Variants in TIAM1 observed in about 807,000 individuals in gnomAD.
TIAM1 encodes the protein TIAM Rac1 associated GEF 1.
Under a neutral mutation model 163.5 loss-of-function variants are expected in TIAM1, and 65 were observed. The ratio of observed to expected loss-of-function variants is 0.40; its 90% CI spans 0.33 to 0.49. The LOEUF (loss-of-function observed/expected upper bound fraction) is 0.49, where lower values mean the gene tolerates loss of function less well. Ranked by LOEUF, TIAM1 falls within the 20% of genes least tolerant of loss-of-function variation. The pLI, the probability that TIAM1 is intolerant of heterozygous loss-of-function variation, is 0.77. For synonymous variants in TIAM1, 833 were observed against 810.1 expected (o/e 1.03, Z -0.48); for missense variants, 1,789 against 2,044.7 (o/e 0.87, Z 2.41).
At position 31,417,144 on chromosome 21, in the gene TIAM1, T is replaced by A. The variant is rs550724002; in HGVS notation, c.-369+46839A>T. The stretch of plus-strand genomic sequence containing the variant: ...TTCAAGCAATTCTCCTGCCTCAGCC[T>A]CCCAAGTAGCTGGGACTACAGGCAT... On this transcript the variant is annotated intron_variant, in intron 2 of 28. Coordinates refer to the TIAM1 transcript ENST00000286827. 7.2e-4 allele frequency among the ~76,000 whole-genome samples: 110 copies of A among 152,310 alleles called. 2 individuals are homozygous for A. The South Asian group carries it at 0.011, about 15-fold the overall frequency.
intron 6 of TIAM1, among the ~76,000 whole-genome samples, chr21:31,229,128 G>A (rs1206068850): frequency 6.6e-6 from 1 of 152,134 alleles, no homozygotes; most frequent in Non-Finnish European, 1.5e-5. Context: ...CTAATATACA[G>A]TATTAGAAGT....
At chr21:31,433,409 G>A (rs534707845) in intron 2 of TIAM1, among the ~76,000 whole-genome samples, 5 of 152,274 alleles carry the variant, frequency 3.3e-5, no homozygotes, top group East Asian at 1.9e-4. Context: ...GAATGAAAAC[G>A]AATACATCAG....
intron 2 of TIAM1, among the ~76,000 whole-genome samples, chr21:31,329,929 CAG>C (rs1184224068): frequency 2.0e-5 from 3 of 152,194 alleles, no homozygotes; most frequent in Non-Finnish European, 2.9e-5. Flanking sequence ...GCAGAAAGCA[CAG>C]AGATTTCCCA....
chr21:31,154,411 C>T lies in TIAM1; in HGVS notation c.3007G>A (p.Ala1003Thr), dbSNP rs2083519555. 1.9e-6 allele frequency: 3 copies of T among 1,613,892 alleles called. No individual in the cohort carries two copies. Among genetic ancestry groups the T allele is most frequent in the African/African-American group, 2.7e-5 (2 of 74,986 alleles). The change falls in exon 17 of 28, where the codon GCC becomes ACC. Residue 1003 changes from alanine (A) to threonine (T), a missense_variant. Around this residue, in one of 5 missense-constraint regions of TIAM1, gnomAD observed 303 missense variants for 321.3 expected, o/e 0.94. Transcript: ENST00000541036. The stretch of plus-strand genomic sequence containing the variant: ...TCATGCAAACTGCGGCAAAATGCGG[C>T]CACCTGTTCTGTACTCTTCGGAGCA... ...DHSSKSTEQV[A>T]AFCRSLHEMN...
At chr21:31,201,225 A>T (rs547141512) in intron 12 of TIAM1, among the ~76,000 whole-genome samples, 1 of 152,330 alleles carries the variant, frequency 6.6e-6, no homozygotes, top group East Asian at 1.9e-4. Context: ...CCCTTTTTTA[A>T]GTAAGAAAAA....
At chr21:31,236,374 A>G (rs914976764) in intron 6 of TIAM1, among the ~76,000 whole-genome samples, 6 of 152,180 alleles carry the variant, frequency 3.9e-5, no homozygotes, top group African/African-American at 1.4e-4. Flanking sequence ...GTGGCTGGCT[A>G]GGGGCAGGGA....
intron 8 of TIAM1, among the ~76,000 whole-genome samples, chr21:31,222,697 ATATATATATATTT>A (rs2087648403): frequency 5.5e-5 from 2 of 36,506 alleles, no homozygotes; most frequent in South Asian, 1.3e-3. Flanking sequence ...ATATATATAT[ATATATATATATTT>A]TTTTTTTTTT....
chr21:31,239,576 G>A (rs558375901), intron 6 of TIAM1, among the ~76,000 whole-genome samples: 2 of 152,198 alleles, frequency 1.3e-5, no homozygotes, highest in South Asian at 2.1e-4. Context: ...TGCAACAAAT[G>A]ACACCATTAA....
intron 13 of TIAM1, among the ~76,000 whole-genome samples, chr21:31,192,926 AC>A: frequency 6.6e-6 from 1 of 152,216 alleles, no homozygotes; most frequent in Non-Finnish European, 1.5e-5. Flanking sequence ...CCCACAAGGG[AC>A]GCGTGGTGAA....
intron 2 of TIAM1, among the ~76,000 whole-genome samples, chr21:31,431,145 ACAAC>A (rs1648568256): frequency 1.3e-5 from 2 of 152,180 alleles, no homozygotes; most frequent in African/African-American, 2.4e-5. Context: ...CACTGGAAGA[ACAAC>A]CACTCATCAT....
intron 2 of TIAM1, among the ~76,000 whole-genome samples, chr21:31,312,058 G>A (rs2074951117): frequency 6.6e-6 from 1 of 152,212 alleles, no homozygotes; most frequent in African/African-American, 2.4e-5. Context: ...ATTTGCCAGG[G>A]GCTCTTGGGC....
chr21:31,287,259 C>G (rs1240544707), intron 2 of TIAM1, among the ~76,000 whole-genome samples: 2 of 152,170 alleles, frequency 1.3e-5, no homozygotes, highest in Non-Finnish European at 2.9e-5. Flanking sequence ...TTAGGGCTAT[C>G]TAAAAACTGC....
chr21:31,396,190 G>A (rs73356902), intron 2 of TIAM1, among the ~76,000 whole-genome samples: 1 of 152,156 alleles, frequency 6.6e-6, no homozygotes, highest in Non-Finnish European at 1.5e-5. Flanking sequence ...GCTTGTTTGT[G>A]GTTCAACTTA....
At chr21:31,375,994 T>C (rs1309735470) in intron 2 of TIAM1, among the ~76,000 whole-genome samples, 1 of 151,756 alleles carries the variant, frequency 6.6e-6, no homozygotes, top group East Asian at 1.9e-4. Context: ...GCCACTGCAC[T>C]CCGGCCTAGG....
intron 1 of TIAM1, among the ~76,000 whole-genome samples, chr21:31,557,635 G>A (rs913852548): frequency 3.3e-5 from 5 of 152,172 alleles, no homozygotes; most frequent in Non-Finnish European, 7.3e-5. Context: ...GCGTGCATGG[G>A]TAACCCGATC....
intron 7 of TIAM1, 69 bp downstream of exon 7, chr21:31,225,657 A>G (rs2087911386): frequency 7.6e-6 from 2 of 261,738 alleles, no homozygotes; most frequent in Non-Finnish European, 1.1e-5. Context: ...CCAAAACAGC[A>G]AAAAAAAAAA....
At chr21:31,546,549 C>CA (rs757156366) in intron 1 of TIAM1, among the ~76,000 whole-genome samples, 6 of 94,874 alleles carry the variant, frequency 6.3e-5, no homozygotes, top group Admixed American at 4.0e-4. Context: ...GACTCCATCT[C>CA]AAAAAAAAAA....
At chr21:31,124,480 T>C in intron 27 of TIAM1, 42 bp downstream of exon 27, 1 of 1,608,036 alleles carries the variant, frequency 6.2e-7, no homozygotes, top group Non-Finnish European at 8.5e-7. Context: ...TACTGCGGAG[T>C]GGGGGTGACG....
chr21:31,344,016 G>C (rs982818627), intron 1 of TIAM1, 122 bp downstream of exon 1: 7 of 152,234 alleles, frequency 4.6e-5, no homozygotes, highest in African/African-American at 1.7e-4. Flanking sequence ...GGCCCCAGCT[G>C]CACAGCTCAG....
Sources: gnomAD v4.1 joint callset for allele counts (sites outside exome capture counted in the v4.1 genomes callset) on GRCh38, gnomAD v4.1.1 for gene constraint, gnomAD v4.1.1 regional missense constraint, MANE v1.5 for transcripts, NCBI Gene and HGNC (gene_info 2026-07-23, HGNC 2026-07-21) for gene names.